FAT1: variants seen among roughly 807,000 people sequenced by gnomAD.
The protein encoded by FAT1 is FAT atypical cadherin 1.
A neutral mutation model predicts 329.8 loss-of-function variants in FAT1; 171 were observed. That is an observed-to-expected ratio of 0.52 (90% CI 0.46 to 0.59). The LOEUF (loss-of-function observed/expected upper bound fraction) is 0.59. FAT1 is among the 20% of genes least tolerant of loss of function. The probability of loss-of-function intolerance (pLI) is 0.00; values close to 1 mark genes in which losing one functional copy is unlikely to be tolerated. For missense variants in FAT1, 5,672 were observed against 5,774.4 expected, an observed-to-expected ratio of 0.98 and a Z score of 0.57; for synonymous variants, 2,233 against 2,228.6, an observed-to-expected ratio of 1.00 and a Z score of -0.06.
At chr4:186,639,852 C>CACA in intron 3 of FAT1, 69 bp from the exon 4 acceptor site, 18 of 1,334,056 alleles carry the variant, frequency 1.3e-5, no homozygotes, top group Non-Finnish European at 1.9e-5. Flanking sequence ...CAATTAAAAT[C>CACA]ACACTCTTGG....
chr4:186,724,620 C>T (rs1745648150), upstream of FAT1, among the ~76,000 whole-genome samples: 1 of 152,144 alleles, frequency 6.6e-6, no homozygotes, highest in Admixed American at 6.5e-5. This position sits in a 1 kb window ranked among gnomAD's most constrained non-coding sequence, Gnocchi z 5.3. Flanking sequence ...GGGGAAGCCC[C>T]AGCGCCGAGA....
At chr4:186,659,048 G>A (rs1380247802) in intron 3 of FAT1, among the ~76,000 whole-genome samples, 1 of 152,226 alleles carries the variant, frequency 6.6e-6, no homozygotes, top group Non-Finnish European at 1.5e-5. Flanking sequence ...ATACGACCGT[G>A]GTTGTGAAAG....
In FAT1 at chr4:186,619,132, C is replaced by G. The variant is rs758286192; in HGVS notation, c.7454G>C (p.Gly2485Ala). Reference sequence around the variant, plus strand: ...AAGGAAAGCAGGACTGTGCAAATTGCCTCCAATTACAGTTACATGAACCTG... The same window carrying G: ...AAGGAAAGCAGGACTGTGCAAATTGGCTCCAATTACAGTTACATGAACCTG... ...STQVHVTVIG[G>A]NLHSPAFLQN... Residue 2485 changes from glycine to alanine, a missense_variant, in exon 10 of 27, where the codon GGC becomes GCC. By Grantham distance (60) the Gly-to-Ala change is moderately conservative (BLOSUM62 0). This residue lies in a region of FAT1 where 3,966 missense variants were observed against 3,915.2 expected (regional missense o/e 1.01). Transcript: ENST00000441802. 6.2e-7 allele frequency: 1 copy of G among 1,613,996 alleles called. No homozygotes were observed. Among genetic ancestry groups the G allele is most frequent in the Non-Finnish European group, 8.5e-7 (1 of 1,179,904 alleles).
At chr4:186,715,678 C>G (rs1048154210) in intron 1 of FAT1, among the ~76,000 whole-genome samples, 2 of 152,106 alleles carry the variant, frequency 1.3e-5, no homozygotes, top group African/African-American at 2.4e-5. Flanking sequence ...CTCCAAAGAC[C>G]ATCTGAGCCA....
At chr4:186,686,245 C>CG (rs531343401) in intron 2 of FAT1, among the ~76,000 whole-genome samples, 29 of 147,042 alleles carry the variant, frequency 2.0e-4, no homozygotes, top group Middle Eastern at 3.6e-3. Flanking sequence ...TTCACCCCCC[C>CG]CCGACATTCT....
intron 26 of FAT1, among the ~76,000 whole-genome samples, chr4:186,594,179 C>A (rs1738380257): frequency 2.0e-5 from 3 of 152,004 alleles, no homozygotes; most frequent in Non-Finnish European, 2.9e-5. Flanking sequence ...CATTCTCCTG[C>A]CTCAGCCTCC....
intron 2 of FAT1, among the ~76,000 whole-genome samples, chr4:186,674,020 T>C (rs961873989): frequency 6.6e-6 from 1 of 152,216 alleles, no homozygotes; most frequent in Non-Finnish European, 1.5e-5. Flanking sequence ...ACAGAGAATA[T>C]ATTTTACCTA....
At chr4:186,602,731 G>A (rs1313084516) in intron 20 of FAT1, among the ~76,000 whole-genome samples, 172 bp downstream of exon 20, 2 of 152,142 alleles carry the variant, frequency 1.3e-5, no homozygotes, top group African/African-American at 2.4e-5. Context: ...GGGGTGTGCT[G>A]TAACAAGAGG....
rs2126494317 is a variant in FAT1 at position 186,618,378 on chromosome 4, G to A, written c.8208C>T (p.Ser2736=). 3 of 1,613,996 alleles carry A rather than the reference G, an allele frequency of 1.9e-6. No homozygotes were observed. ...TTTCTGGAGTATTCCCTTTGACCAG[G>A]CTGTAAAGAACAGTCCCACTATGTT... ...RAEHSGTVLY[S]LVKGNTPESN... The change falls in exon 10 of 27, where the codon AGC becomes AGT. Residue 2736 remains serine, a synonymous_variant. Transcript: ENST00000441802.
intron 4 of FAT1, 112 bp downstream of exon 4, chr4:186,639,610 T>A (rs1741001496): frequency 2.8e-6 from 2 of 703,166 alleles, no homozygotes; most frequent in South Asian, 4.1e-5. Flanking sequence ...ATAATATTAA[T>A]ACAACAAAAT....
Position 186,597,969 on chromosome 4 carries a change from T to C in FAT1, c.12257+3A>G. On this transcript the variant is annotated splice_donor_region_variant and intron_variant, in intron 23 of 26. Coordinates refer to ENST00000441802, the MANE Select transcript of FAT1 (RefSeq NM_005245.4). The stretch of plus-strand genomic sequence containing the variant: ...TTATGAAAGTTAAGAAAAATACACA[T>C]ACCTCTGACCAGTATATAATCCTCT... The C allele has an allele frequency of 6.3e-7, 1 of 1,596,014 alleles. No homozygotes were observed. The highest frequency in any genetic ancestry group is 8.5e-7 in the Non-Finnish European group (1 of 1,173,922).
rs1738038465 is a variant in FAT1 at position 186,588,058 on chromosome 4, G to A, written c.*534C>T. ...ATCCTATGTACAGCTAGAAATGAAT[G>A]ACTACACTGAAATGTACTAACAAAA... On this transcript the variant is annotated 3_prime_UTR_variant, in exon 27 of 27. Coordinates refer to ENST00000441802, the MANE Select transcript of FAT1 (RefSeq NM_005245.4). 4.6e-6 allele frequency: 1 copy of A among 217,820 alleles called. No homozygotes were observed. Among genetic ancestry groups the A allele is most frequent in the African/African-American group, 2.3e-5 (1 of 44,222 alleles). 13.5% of individuals were successfully genotyped at this position (217,820 alleles called of 1,614,324 possible).
intron 3 of FAT1, among the ~76,000 whole-genome samples, chr4:186,640,760 A>G (rs1741053119): frequency 6.6e-6 from 1 of 152,210 alleles, no homozygotes; most frequent in South Asian, 2.1e-4. Context: ...TGGAACTAGA[A>G]GGCAATTACA....
intron 3 of FAT1, among the ~76,000 whole-genome samples, chr4:186,645,960 AAAAT>A (rs1273501224): frequency 8.8e-6 from 1 of 113,286 alleles, no homozygotes; most frequent in African/African-American, 3.8e-5. Context: ...AAAAAAAAAA[AAAAT>A]ATATACACAC....
chr4:186,606,211 A>AATCT lies in FAT1; in HGVS notation c.10207-2_10208dup (p.Ser3404AspfsTer12). ...CTTGAACCGTGAGCGTGTAACCTGAAATCTTTTCAGGCAAAAGACAGAATG... is the reference window on the plus strand; with the variant it reads ...CTTGAACCGTGAGCGTGTAACCTGAAATCTATCTTTTCAGGCAAAAGACAGAATG... On this transcript the variant is annotated frameshift_variant and splice_region_variant, in exon 17 of 27. Coordinates refer to ENST00000441802, the MANE Select transcript of FAT1 (RefSeq NM_005245.4). LOFTEE classifies it high-confidence loss of function. 6.2e-7 allele frequency: 1 copy of AATCT among 1,612,680 alleles called. No homozygotes were observed. The highest frequency in any genetic ancestry group is 8.5e-7 in the Non-Finnish European group (1 of 1,179,628).
rs111386222 is a variant in FAT1 at position 186,636,464 on chromosome 4, C to T, written c.3972+121G>A. The stretch of plus-strand genomic sequence containing the variant: ...GTTATCCGGCATTGCCTAATGGGGC[C>T]AGCAGGTCACAAACACTTCAGCCGT... On this transcript the variant is annotated intron_variant, in intron 5 of 26. Coordinates refer to ENST00000441802, the MANE Select transcript of FAT1 (RefSeq NM_005245.4). The T allele has an allele frequency of 5.3e-5, 57 of 1,081,086 alleles. 1 individual carries two copies. In the African/African-American group the frequency reaches 7.0e-4, roughly 13 times the overall value. The allele number at this position is 1,081,086 out of a possible 1,614,324, so 67.0% of individuals were successfully genotyped here.
chr4:186,684,989 G>GA (rs1743395220), intron 2 of FAT1, among the ~76,000 whole-genome samples: 1 of 152,182 alleles, frequency 6.6e-6, no homozygotes, highest in African/African-American at 2.4e-5. Flanking sequence ...CTAAAGGGAA[G>GA]AAAGTCAGCC....
rs1738908487 is a variant in FAT1 at position 186,603,248 on chromosome 4, A to T, written c.11278T>A (p.Ser3760Thr). ...EKVSVDESVM[S>T]THSTARLSFV... Reference sequence around the variant, plus strand: ...CTCAGTCTGGCTGTGCTGTGTGTTGACATCACACTTTCATCCACAGACACC... The same window carrying T: ...CTCAGTCTGGCTGTGCTGTGTGTTGTCATCACACTTTCATCCACAGACACC... The change falls in exon 19 of 27, where the codon TCA (serine) becomes ACA (threonine). Residue 3760 changes from serine (S) to threonine (T), a missense_variant. Transcript: ENST00000441802. 3 of 1,613,644 alleles carry T rather than the reference A, an allele frequency of 1.9e-6. No individual in the cohort carries two copies. The highest frequency in any genetic ancestry group is 1.3e-5 in the African/African-American group (1 of 74,884).
At chr4:186,691,751 T>A (rs1049543590) in intron 2 of FAT1, among the ~76,000 whole-genome samples, 2 of 152,172 alleles carry the variant, frequency 1.3e-5, no homozygotes, top group Non-Finnish European at 2.9e-5. Flanking sequence ...AAGGCTGCAG[T>A]AAGCCCTGAT....
Sources: gnomAD v4.1 joint callset for allele counts (sites outside exome capture counted in the v4.1 genomes callset) on GRCh38, gnomAD v4.1.1 for gene constraint, gnomAD v4.1.1 regional missense constraint, Gnocchi (gnomAD v3.1) non-coding constraint, MANE v1.5 for transcripts, NCBI Gene and HGNC (gene_info 2026-07-23, HGNC 2026-07-21) for gene names.